NOMO2: variants seen among roughly 807,000 people sequenced by gnomAD.
NOMO2 encodes the protein NODAL modulator 2.
A neutral mutation model predicts 67.1 loss-of-function variants in NOMO2; 14 were observed. That is an observed-to-expected ratio of 0.21 (90% CI 0.14 to 0.33). The LOEUF (loss-of-function observed/expected upper bound fraction) is 0.33, where lower values mean the gene tolerates loss of function less well. Ranked by LOEUF, NOMO2 falls within the 10% of genes least tolerant of loss-of-function variation. The pLI is 1.00. For missense variants in NOMO2, 178 were observed against 761.0 expected (o/e 0.23, Z 9.01); for synonymous variants, 80 against 305.9 (o/e 0.26, Z 7.71).
chr16:18,550,678 G>A (rs550688780), intron 4 of NOMO2, among the ~76,000 whole-genome samples: 2,751 of 150,074 alleles, frequency 0.018, 1 homozygote, highest in African/African-American at 0.065. Flanking sequence ...TCACACCACC[G>A]TGGCGGTCCA....
Position 18,531,389 on chromosome 16 carries a change from G to A in NOMO2, c.1537+77C>T, listed in dbSNP as rs1289622741. On this transcript the variant is annotated intron_variant, in intron 13 of 30. Coordinates refer to ENST00000622306, the MANE Select transcript of NOMO2 (RefSeq NM_173614.4). Reference sequence around the variant, plus strand: ...CAGTAGCAAACAACAAAGGCAAAAGGAAAAGTTTCCCAAATCCCACTCCTA... The same window carrying A: ...CAGTAGCAAACAACAAAGGCAAAAGAAAAAGTTTCCCAAATCCCACTCCTA... 1.1e-5 allele frequency: 18 copies of A among 1,611,828 alleles called. No homozygotes were observed. The Admixed American group carries it at 1.7e-4, about 15-fold the overall frequency.
At chr16:18,529,375 C>A in intron 15 of NOMO2, 126 bp downstream of exon 15, 3 of 1,606,122 alleles carry the variant, frequency 1.9e-6, no homozygotes, top group Non-Finnish European at 2.5e-6. Context: ...AACAGGTGGG[C>A]GAGTGGAGAG....
chr16:18,536,820 T>C (rs542852614), intron 11 of NOMO2, among the ~76,000 whole-genome samples: 54 of 152,254 alleles, frequency 3.5e-4, no homozygotes, highest in Admixed American at 1.2e-3. Context: ...CAAGAATTAC[T>C]TTCTGAGGGT....
At chr16:18,547,546 G>A (rs561711431) in intron 5 of NOMO2, among the ~76,000 whole-genome samples, 5 of 152,126 alleles carry the variant, frequency 3.3e-5, no homozygotes, top group African/African-American at 4.8e-5. Context: ...GAGTGCTTAC[G>A]TCTCCCTTAA....
chr16:18,535,153 G>A (rs1477092812), intron 11 of NOMO2, among the ~76,000 whole-genome samples: 1 of 129,312 alleles, frequency 7.7e-6, no homozygotes, highest in Non-Finnish European at 1.7e-5. Flanking sequence ...TAGCCAACAC[G>A]GCAAAACCAC....
At chr16:18,544,143 C>T (rs1388671917) in intron 6 of NOMO2, among the ~76,000 whole-genome samples, 1 of 151,986 alleles carries the variant, frequency 6.6e-6, no homozygotes, top group East Asian at 1.9e-4. Context: ...ATCCGCCTGC[C>T]TCAGCCTCCC....
intron 3 of NOMO2, among the ~76,000 whole-genome samples, chr16:18,553,851 C>T (rs1291561921): frequency 1.4e-5 from 2 of 140,804 alleles, no homozygotes; most frequent in African/African-American, 5.2e-5. Flanking sequence ...GAGCTGCTCT[C>T]ACAGAGCCAA....
chr16:18,540,344 C>T (rs1373481267), intron 9 of NOMO2, among the ~76,000 whole-genome samples: 4 of 151,342 alleles, frequency 2.6e-5, no homozygotes, highest in African/African-American at 9.7e-5. Context: ...AATATTTTTG[C>T]TGGGCACCTA....
chr16:18,558,510 G>T (rs2606868), intron 1 of NOMO2, among the ~76,000 whole-genome samples: 111,471 of 148,896 alleles, frequency 0.75, 41,292 homozygotes, highest in East Asian at 0.92. Flanking sequence ...TAAAGGTCTG[G>T]AATGAGGGCC....
At chr16:18,539,843 T>G (rs1330317836) in intron 9 of NOMO2, among the ~76,000 whole-genome samples, 5 of 152,132 alleles carry the variant, frequency 3.3e-5, no homozygotes. Flanking sequence ...TCTGTGTCTG[T>G]GTCTGTGCCC....
chr16:18,548,317 C>G (rs1270410309), intron 5 of NOMO2, among the ~76,000 whole-genome samples: 1 of 151,610 alleles, frequency 6.6e-6, no homozygotes, highest in Non-Finnish European at 1.5e-5. Context: ...TGCTACACAC[C>G]AGGGCTGGAG....
chr16:18,551,078 G>T (rs1901775388), intron 4 of NOMO2, among the ~76,000 whole-genome samples: 1 of 151,542 alleles, frequency 6.6e-6, no homozygotes, highest in Non-Finnish European at 1.5e-5. Context: ...GGAGGGTGAG[G>T]CAGGAGAATC....
intron 11 of NOMO2, among the ~76,000 whole-genome samples, chr16:18,534,304 GA>G (rs1901371946): frequency 6.6e-6 from 1 of 150,782 alleles, no homozygotes; most frequent in Admixed American, 6.6e-5. Context: ...ACTGCAAGCC[GA>G]GAAAAAGAAT....
At chr16:18,552,469 G>GGA (rs1342728770) in intron 3 of NOMO2, among the ~76,000 whole-genome samples, 11 of 97,704 alleles carry the variant, frequency 1.1e-4, no homozygotes, top group Admixed American at 8.4e-4. Flanking sequence ...ACGCGTACAT[G>GGA]CACACACACA....
At chr16:18,541,825 C>T (rs1325356323) in intron 9 of NOMO2, among the ~76,000 whole-genome samples, 2 of 138,604 alleles carry the variant, frequency 1.4e-5, no homozygotes, top group Non-Finnish European at 1.6e-5. Context: ...TTGAGCCACA[C>T]AGTGAGACCC....
chr16:18,539,586 GTC>G lies in NOMO2; in HGVS notation c.964-624_964-623del, dbSNP rs1400708944. ...AGCCTGACCAACATGGTGAAGCCCT[GTC>G]TCCACTAAAAATACAAAAATTAGCC... On this transcript the variant is annotated intron_variant, in intron 9 of 30. Coordinates refer to ENST00000622306, the MANE Select transcript of NOMO2 (RefSeq NM_173614.4). 3.9e-5 allele frequency among the ~76,000 whole-genome samples: 6 copies of G among 152,086 alleles called. 1 individual carries two copies. The East Asian group carries it at 1.2e-3, about 29-fold the overall frequency.
intron 3 of NOMO2, among the ~76,000 whole-genome samples, chr16:18,552,673 A>T (rs1183443546): frequency 6.6e-6 from 1 of 151,486 alleles, no homozygotes; most frequent in Admixed American, 6.6e-5. Flanking sequence ...GGCTAAAATT[A>T]AAAAAAACTG....
At position 18,561,879 on chromosome 16, in the gene NOMO2, G is replaced by C; in HGVS notation, c.162C>G (p.Ile54Met). ...KSDVEINYSL[I>M]EIKLYTKHGT... Reference sequence around the variant, plus strand: ...GGGCGGCGGGGCGGGCGCTCACCTCGATGAGCGAGTAGTTGATCTCCACGT... The same window carrying C: ...GGGCGGCGGGGCGGGCGCTCACCTCCATGAGCGAGTAGTTGATCTCCACGT... The change falls in exon 1 of 31, where the codon ATC becomes ATG. Residue 54 changes from isoleucine to methionine, a missense_variant. Transcript: ENST00000622306. 2.6e-6 allele frequency: 4 copies of C among 1,557,864 alleles called. No homozygotes were observed. The highest frequency in any genetic ancestry group is 1.2e-5 in the South Asian group (1 of 84,558).
At chr16:18,520,370 TCATCCATC>T (rs1208876919) in intron 20 of NOMO2, among the ~76,000 whole-genome samples, 7 of 115,972 alleles carry the variant, frequency 6.0e-5, no homozygotes, top group Non-Finnish European at 9.3e-5. Context: ...AATCATTCAT[TCATCCATC>T]CATCCATCCA....
Sources: allele counts gnomAD v4.1 joint callset (sites outside exome capture counted in the v4.1 genomes callset), GRCh38; gene constraint gnomAD v4.1.1; transcripts MANE v1.5; gene names NCBI Gene and HGNC (gene_info 2026-07-23, HGNC 2026-07-21).